The following TRMT44 variants were observed in gnomAD, a reference collection of about 807,000 sequenced individuals.
The protein encoded by TRMT44 is tRNA methyltransferase 44 homolog.
TRMT44 carries 78 observed loss-of-function variants against 77.3 expected under a neutral mutation model. That is an observed-to-expected ratio of 1.01 (90% CI 0.84 to 1.22). TRMT44 has a LOEUF of 1.22. TRMT44 is among the 50% of genes most tolerant of loss of function. The pLI is 0.00. For missense variants in TRMT44, 1,090 were observed against 964.4 expected (o/e 1.13, Z -1.73); for synonymous variants, 391 against 383.3 (o/e 1.02, Z -0.23).
the TRMT44 span, among the ~76,000 whole-genome samples, chr4:8,516,365 G>A: frequency 6.6e-6 from 1 of 152,192 alleles, no homozygotes; most frequent in African/African-American, 2.4e-5. Context: ...GGACCCCAGA[G>A]GAGCTGACTC....
intron 5 of TRMT44, chr4:8,454,464 T>C: frequency 3.8e-6 from 2 of 530,614 alleles, no homozygotes; most frequent in South Asian, 4.5e-5. Flanking sequence ...AGTACAGTAC[T>C]GTGCAGTACA....
At chr4:8,507,479 G>C in the TRMT44 span, 1 of 153,224 alleles carries the variant, frequency 6.5e-6, no homozygotes, top group African/African-American at 2.4e-5. Flanking sequence ...TGCTCTGGGC[G>C]TTCCGGAGCT....
chr4:8,504,214 C>G, the TRMT44 span, among the ~76,000 whole-genome samples: 1 of 152,168 alleles, frequency 6.6e-6, no homozygotes, highest in African/African-American at 2.4e-5. This position sits in a 1 kb window ranked among gnomAD's most constrained non-coding sequence, Gnocchi z 5.3. Context: ...CATTTCCATG[C>G]TGCTCATGTC....
intron 2 of TRMT44, among the ~76,000 whole-genome samples, chr4:8,447,354 G>A (rs191380852): frequency 9.2e-5 from 14 of 152,256 alleles, no homozygotes; most frequent in African/African-American, 3.1e-4. Flanking sequence ...TTTTTAAAAC[G>A]AAAAAGTCAG....
intron 2 of TRMT44, among the ~76,000 whole-genome samples, chr4:8,491,977 C>T (rs918888678): frequency 1.3e-5 from 2 of 152,252 alleles, no homozygotes; most frequent in Non-Finnish European, 2.9e-5. Flanking sequence ...CCTCTCAACT[C>T]AGTCTCCCAC....
At chr4:8,453,644 C>T (rs919488797) in intron 5 of TRMT44, 6 of 152,304 alleles carry the variant, frequency 3.9e-5, no homozygotes, top group African/African-American at 1.4e-4. Flanking sequence ...GGCACCTGCC[C>T]AGGTAGCACG....
At chr4:8,454,146 T>C (rs1725637334) in intron 5 of TRMT44, among the ~76,000 whole-genome samples, 1 of 152,112 alleles carries the variant, frequency 6.6e-6, no homozygotes, top group African/African-American at 2.4e-5. Flanking sequence ...GCAGCTGACC[T>C]TGACTGAGAG....
intron 2 of TRMT44, among the ~76,000 whole-genome samples, chr4:8,448,479 G>A (rs1439893650): frequency 6.6e-6 from 1 of 152,206 alleles, no homozygotes; most frequent in Non-Finnish European, 1.5e-5. Flanking sequence ...TGGAAGAGAG[G>A]CGGATGAAGG....
downstream of TRMT44, chr4:8,478,642 G>A (rs1329148507): frequency 6.6e-6 from 1 of 152,594 alleles, no homozygotes; most frequent in Non-Finnish European, 1.5e-5. Context: ...AGCCTGCTGT[G>A]GCCAGCCCCA....
At chr4:8,512,961 G>T in the TRMT44 span, among the ~76,000 whole-genome samples, 3 of 152,172 alleles carry the variant, frequency 2.0e-5, no homozygotes, top group Admixed American at 2.0e-4. Flanking sequence ...CGCCCGGGCT[G>T]GAGTGCAGTG....
At chr4:8,493,534 T>C (rs1460036450), downstream of TRMT44, 2 of 152,160 alleles carry the variant, frequency 1.3e-5, no homozygotes, top group African/African-American at 2.4e-5. Flanking sequence ...TCTGCATGAA[T>C]TAAGCTCTTT....
intron 2 of TRMT44, among the ~76,000 whole-genome samples, chr4:8,483,721 A>G (rs1428734360): frequency 1.3e-5 from 2 of 152,152 alleles, no homozygotes; most frequent in Non-Finnish European, 2.9e-5. Flanking sequence ...GGCTGATTTG[A>G]CCAATAAAGG....
rs2083042371 is a variant in TRMT44 at position 8,452,793 on chromosome 4, C to T, written c.1024-89C>T. The T allele has an allele frequency of 3.0e-6, 2 of 666,336 alleles. No individual in the cohort carries two copies. The highest frequency in any genetic ancestry group is 1.9e-5 in the African/African-American group (1 of 51,978). 41.3% of individuals were successfully genotyped at this position (666,336 alleles called of 1,614,324 possible). ...AGATGATTTCAAGTTTCCTTTCACT[C>T]AGAGTTTTCTTTGACCAGTTTGTGT... On this transcript the variant is annotated intron_variant, in intron 4 of 10. Coordinates refer to ENST00000389737, the MANE Select transcript of TRMT44 (RefSeq NM_152544.3). This position sits in a 1 kb window ranked among gnomAD's most constrained non-coding sequence, Gnocchi z 5.7.
downstream of TRMT44, among the ~76,000 whole-genome samples, chr4:8,495,222 GT>G (rs1728117287): frequency 6.6e-6 from 1 of 152,256 alleles, no homozygotes; most frequent in African/African-American, 2.4e-5. Context: ...CACTTGGGCA[GT>G]TTGCATCCAT....
chr4:8,453,060 T>C, intron 5 of TRMT44, 71 bp downstream of exon 5: 1 of 894,290 alleles, frequency 1.1e-6, no homozygotes, highest in Non-Finnish European at 1.6e-6. Flanking sequence ...CAGGGTTCAC[T>C]GACATCTTTT....
intron 9 of TRMT44, 174 bp downstream of exon 9, chr4:8,468,520 A>G (rs987912760): frequency 2.2e-5 from 14 of 642,198 alleles, no homozygotes; most frequent in African/African-American, 2.0e-4. Flanking sequence ...AATTTTCCAA[A>G]TAGCTCTTAT....
At chr4:8,448,104 C>T (rs1353469486) in intron 2 of TRMT44, among the ~76,000 whole-genome samples, 1 of 152,150 alleles carries the variant, frequency 6.6e-6, no homozygotes, top group Non-Finnish European at 1.5e-5. Flanking sequence ...GCTGCTGCCC[C>T]CACCTTCCCA....
At chr4:8,515,724 A>T in the TRMT44 span, among the ~76,000 whole-genome samples, 2 of 152,024 alleles carry the variant, frequency 1.3e-5, no homozygotes, top group Non-Finnish European at 2.9e-5. Flanking sequence ...CTGCCCAAAT[A>T]TTGTTCCCCA....
intron 10 of TRMT44, among the ~76,000 whole-genome samples, chr4:8,472,551 CAA>C (rs1394486007): frequency 1.3e-5 from 2 of 152,140 alleles, no homozygotes; most frequent in African/African-American, 4.8e-5. Flanking sequence ...CATGTGTACA[CAA>C]GAGTGCAAGC....
Sources: allele counts gnomAD v4.1 joint callset (sites outside exome capture counted in the v4.1 genomes callset), GRCh38; gene constraint gnomAD v4.1.1; non-coding constraint Gnocchi (gnomAD v3.1); transcripts MANE v1.5; gene names NCBI Gene and HGNC (gene_info 2026-07-23, HGNC 2026-07-21).